The following NLRP3 variants were observed in gnomAD, a reference collection of about 807,000 sequenced individuals.
NLRP3 encodes NACHT, LRR and PYD domains-containing protein 3.
NLRP3 carries 48 observed loss-of-function variants against 91.3 expected under a neutral mutation model. The observed-to-expected ratio is 0.53, with a 90% CI of 0.42 to 0.67. The LOEUF is 0.67. NLRP3 is among the 30% of genes least tolerant of loss of function. The pLI, the probability that NLRP3 is intolerant of heterozygous loss-of-function variation, is 0.00. For missense variants in NLRP3, 982 were observed against 1,276.9 expected (o/e 0.77, Z 3.52); for synonymous variants, 561 against 507.9 (o/e 1.10, Z -1.41).
chr1:247,447,342 A>C (rs1195451060), intron 9 of NLRP3, among the ~76,000 whole-genome samples: 2 of 152,030 alleles, frequency 1.3e-5, no homozygotes, highest in Admixed American at 6.6e-5. Context: ...CTGTAAGGGC[A>C]CTCACCCCAT....
At chr1:247,444,261 T>C (rs1289181073) in intron 8 of NLRP3, 119 bp downstream of exon 8, 5 of 1,086,200 alleles carry the variant, frequency 4.6e-6, no homozygotes, top group African/African-American at 1.5e-5. Context: ...TTCTTAGTGT[T>C]TGCCTTGTTA....
intron 7 of NLRP3, among the ~76,000 whole-genome samples, chr1:247,436,762 G>A (rs1663817709): frequency 1.3e-5 from 2 of 151,838 alleles, no homozygotes; most frequent in Admixed American, 1.3e-4. Flanking sequence ...TGTTTTTTTT[G>A]GCAGTTACAT....
intron 7 of NLRP3, among the ~76,000 whole-genome samples, chr1:247,441,137 TTCTTTCTTTCTCTCTC>T (rs1399209489): frequency 1.3e-4 from 3 of 23,838 alleles, no homozygotes; most frequent in Non-Finnish European, 3.3e-4. Flanking sequence ...TTCTCTTTCT[TTCTTTCTTTCTCTCTC>T]TCTCTCTTTC....
chr1:247,434,123 C>A lies in NLRP3; in HGVS notation c.2342C>A (p.Ser781Ter), dbSNP rs201969526. 1.4e-6 allele frequency: 2 copies of A among 1,479,962 alleles called. No individual in the cohort carries two copies. The highest frequency in any genetic ancestry group is 1.5e-5 in the African/African-American group (1 of 67,518). 91.7% of individuals were successfully genotyped at this position (1,479,962 alleles called of 1,614,324 possible). Residue 781 changes from serine to a stop codon, truncating the protein, a stop_gained, in exon 6 of 10, where the codon TCG (serine) becomes TAG (stop). Transcript: ENST00000336119. LOFTEE classifies it high-confidence loss of function. ...TGAAGGTTGGGGCGCTGTGGCCTCT[C>A]GCATGAGTGCTGCTTCGACATCTCC... is the stretch of plus-strand genomic sequence containing the variant. ...RRLWLGRCGL[S>*]HECCFDISLV... is the part of the protein sequence containing the mutation.
In NLRP3 at chr1:247,418,652, A is replaced by AT. The variant is rs1428851366; in HGVS notation, c.-142dup. 1.1e-5 allele frequency: 11 copies of AT among 1,012,418 alleles called. No homozygotes were observed. The South Asian group carries it at 1.4e-4, about 13-fold the overall frequency. The allele number at this position is 1,012,418 out of a possible 1,614,324, so 62.7% of individuals were successfully genotyped here. A position where few individuals can be genotyped will look rare whatever the true frequency, so the allele number is the denominator to read the frequency against. On this transcript the variant is annotated 5_prime_UTR_variant, in exon 2 of 10. Transcript: ENST00000336119. ...TTTTGACTTGTTACAGTCATGTGAC[A>AT]TTTTTTTCTTTCTGTTTGCTGAGTT...
rs1572170944 is a variant in NLRP3 at position 247,424,727 on chromosome 1, T to A, written c.1278T>A (p.Ser426Arg). 1.2e-6 allele frequency: 2 copies of A among 1,613,946 alleles called. No individual in the cohort carries two copies. Among genetic ancestry groups the A allele is most frequent in the Non-Finnish European group, 1.7e-6 (2 of 1,180,020 alleles). The change falls in exon 4 of 10, where the codon AGT becomes AGA. Residue 426 changes from serine (S) to arginine (R), a missense_variant. Physicochemically the swap from Ser to Arg is moderately radical, Grantham distance 110. Around this residue, in one of 5 missense-constraint regions of NLRP3, gnomAD observed 548 missense variants for 713.7 expected, o/e 0.77. Transcript: ENST00000336119. The surrounding 1 kb of genome is among the most constrained non-coding windows in gnomAD (Gnocchi z 8.1). Reference sequence around the variant, plus strand: ...CTGGACTGAAACAGCAGATGGAGAGTGGCAAGAGCCTTGCCCAGACATCCA... The same window carrying A: ...CTGGACTGAAACAGCAGATGGAGAGAGGCAAGAGCCTTGCCCAGACATCCA... ...VCTGLKQQMESGKSLAQTSKT... is the reference protein window; with the variant it reads ...VCTGLKQQMERGKSLAQTSKT...
rs529569070 is a variant in NLRP3, at chr1:247,427,917, G to A, written c.2151-1668G>A. 2.4e-4 allele frequency among the ~76,000 whole-genome samples: 26 copies of A among 107,838 alleles called. 1 individual carries two copies. The highest frequency in any genetic ancestry group is 9.7e-4 in the African/African-American group (25 of 25,816). 70.7% of individuals were successfully genotyped at this position (107,838 alleles called of 152,430 possible). A position where few individuals can be genotyped will look rare whatever the true frequency, so the allele number is the denominator to read the frequency against. ...GAGGACAGACTCTCACTGAAGCCCCGGTAGGAGGCTCAGCAACCATTTCTC... is the reference window on the plus strand; with the variant it reads ...GAGGACAGACTCTCACTGAAGCCCCAGTAGGAGGCTCAGCAACCATTTCTC... On this transcript the variant is annotated intron_variant, in intron 4 of 9. Coordinates refer to ENST00000336119, the MANE Select transcript of NLRP3 (RefSeq NM_001243133.2).
chr1:247,419,164 A>ATATTTTTTTTTTT (rs1491303088), intron 2 of NLRP3, 87 bp downstream of exon 2: 1 of 658,706 alleles, frequency 1.5e-6, no homozygotes, highest in African/African-American at 3.6e-5. Context: ...ATATATATAT[A>ATATTTTTTTTTTT]TTTTTTTTTG....
intron 4 of NLRP3, among the ~76,000 whole-genome samples, chr1:247,427,267 C>T (rs1455871248): frequency 6.6e-6 from 1 of 152,156 alleles, no homozygotes. Flanking sequence ...GGCCCCATCG[C>T]CTGATACGTC....
chr1:247,425,683 A>ACTAT lies in NLRP3; in HGVS notation c.2150+87_2150+90dup. 4 of 1,271,326 alleles carry ACTAT rather than the reference A, an allele frequency of 3.1e-6. No individual in the cohort carries two copies. The highest frequency in any genetic ancestry group is 4.5e-6 in the Non-Finnish European group (4 of 889,110). 78.8% of individuals were successfully genotyped at this position (1,271,326 alleles called of 1,614,324 possible). A position where few individuals can be genotyped will look rare whatever the true frequency, so the allele number is the denominator to read the frequency against. On this transcript the variant is annotated intron_variant, in intron 4 of 9. Transcript: ENST00000336119. The surrounding 1 kb of genome is among the most constrained non-coding windows in gnomAD (Gnocchi z 4.1). ...GCTTGCCTCCTCTCATCTCTTTTCA[A>ACTAT]CTATCTTCCAAATACTGTTGCCACA...
Position 247,419,046 on chromosome 1 carries a change from T to G in NLRP3, c.246T>G (p.Tyr82Ter). The G allele has an allele frequency of 6.2e-7, 1 of 1,612,644 alleles. No homozygotes were observed. The highest frequency in any genetic ancestry group is 8.5e-7 in the Non-Finnish European group (1 of 1,179,982). ...CTGCGATCAACAGGAGAGACCTTTA[T>G]GAGAAAGCAAAAAGAGATGAGCCGA... ...IFAAINRRDL[Y>*]EKAKRDEPKW... The change falls in exon 2 of 10, where the codon TAT becomes TAG. Residue 82 changes from tyrosine to a stop codon, truncating the protein, a stop_gained. Coordinates refer to ENST00000336119, the MANE Select transcript of NLRP3 (RefSeq NM_001243133.2). LOFTEE classifies it high-confidence loss of function.
chr1:247,438,378 G>GTTTTTTTTTT (rs74163772), intron 7 of NLRP3, among the ~76,000 whole-genome samples: 2 of 71,922 alleles, frequency 2.8e-5, no homozygotes, highest in Non-Finnish European at 5.2e-5. Context: ...GTTTAGTTGT[G>GTTTTTTTTTT]TTTTTTTTTT....
rs752487971 is a variant in NLRP3 at position 247,436,022 on chromosome 1, T to C, written c.2545T>C (p.Leu849=). The change falls in exon 7 of 10, where the codon TTG becomes CTG. Residue 849 remains leucine (L), a synonymous_variant. Coordinates refer to ENST00000336119, the MANE Select transcript of NLRP3 (RefSeq NM_001243133.2). ...ATGTTGTCAGGATCTTGCATCAGTA[T>C]TGAGCACCAGCCATTCCCTGACCAG... ...SACCQDLASV[L]STSHSLTRLY... is the part of the protein sequence containing the mutation. 2.9e-5 allele frequency: 47 copies of C among 1,614,068 alleles called. No homozygotes were observed. The East Asian group carries it at 5.1e-4, about 18-fold the overall frequency.
At chr1:247,441,561 C>T (rs1413956488) in intron 7 of NLRP3, among the ~76,000 whole-genome samples, 1 of 152,112 alleles carries the variant, frequency 6.6e-6, no homozygotes, top group Non-Finnish European at 1.5e-5. Flanking sequence ...GTGACATAGG[C>T]AGGTAGTTAA....
intron 5 of NLRP3, among the ~76,000 whole-genome samples, chr1:247,433,669 A>G (rs374250878): frequency 4.9e-5 from 5 of 102,114 alleles, no homozygotes; most frequent in South Asian, 3.3e-4. Flanking sequence ...TCTCTATTCC[A>G]GAGCTCTCTG....
At position 247,448,541 on chromosome 1, in the gene NLRP3, G is replaced by T; in HGVS notation, c.*37G>T. ...GGGCTGCCAGACGCCAGTGTTCTCC[G>T]GTCCCTCCAGCTGGGGGCCCTCAGG... On this transcript the variant is annotated 3_prime_UTR_variant, in exon 10 of 10. Coordinates refer to ENST00000336119, the MANE Select transcript of NLRP3 (RefSeq NM_001243133.2). 2 of 1,300,640 alleles carry T rather than the reference G, an allele frequency of 1.5e-6. No homozygotes were observed. Among genetic ancestry groups the T allele is most frequent in the Non-Finnish European group, 2.2e-6 (2 of 893,984 alleles). The allele number at this position is 1,300,640 out of a possible 1,614,324, so 80.6% of individuals were successfully genotyped here. A position where few individuals can be genotyped will look rare whatever the true frequency, so the allele number is the denominator to read the frequency against.
Position 247,448,475 on chromosome 1 carries a change from C to T in NLRP3, c.3076C>T (p.Leu1026=). ...AACACTTCAAGAAGAAAAGCCTGAGCTGACCGTCGTCTTTGAGCCTTCTTG... is the reference window on the plus strand; with the variant it reads ...AACACTTCAAGAAGAAAAGCCTGAGTTGACCGTCGTCTTTGAGCCTTCTTG... ...LETLQEEKPE[L]TVVFEPSW The change falls in exon 10 of 10, where the codon CTG becomes TTG. Residue 1026 remains leucine (L), a synonymous_variant. Transcript: ENST00000336119. The T allele has an allele frequency of 6.2e-7, 1 of 1,613,204 alleles. No homozygotes were observed. Among genetic ancestry groups the T allele is most frequent in the Non-Finnish European group, 8.5e-7 (1 of 1,179,196 alleles).
rs376383163 is a variant in NLRP3, at chr1:247,422,184, GC to G, written c.278-1044del. 6.2e-3 allele frequency among the ~76,000 whole-genome samples: 936 copies of G among 152,126 alleles called. 14 individuals are homozygous for G. Among genetic ancestry groups the G allele is most frequent in the African/African-American group, 0.021 (860 of 41,480 alleles). On this transcript the variant is annotated intron_variant, in intron 2 of 9. Transcript: ENST00000336119. Reference sequence around the variant, plus strand: ...GCTTGAGCCCAGGAGTTTGAGACCAGCCTGGGCAACATAGTGAGAACCTGTC... The same window carrying G: ...GCTTGAGCCCAGGAGTTTGAGACCAGCTGGGCAACATAGTGAGAACCTGTC...
chr1:247,429,630 T>C lies in NLRP3; in HGVS notation c.2196T>C (p.Phe732=), dbSNP rs757707704. ...CTTCCAGTTTTTGCCGGGGCCTCTT[T>C]TCAGTTCTGAGCACCAGCCAGAGTC... ...HLTSSFCRGL[F]SVLSTSQSLT... The change falls in exon 5 of 10, where the codon TTT becomes TTC. Residue 732 remains phenylalanine, a synonymous_variant. Transcript: ENST00000336119. 6.2e-6 allele frequency: 10 copies of C among 1,614,198 alleles called. No individual in the cohort carries two copies. The East Asian group carries it at 2.2e-4, about 36-fold the overall frequency.
Sources: allele counts gnomAD v4.1 joint callset (sites outside exome capture counted in the v4.1 genomes callset), GRCh38; gene constraint gnomAD v4.1.1; regional missense constraint gnomAD v4.1.1; non-coding constraint Gnocchi (gnomAD v3.1); transcripts MANE v1.5; gene names NCBI Gene and HGNC (gene_info 2026-07-23, HGNC 2026-07-21).